Variants in ACTL6A observed in about 807,000 individuals in gnomAD.
ACTL6A encodes the protein actin like 6A, also known as actin-like protein 6A.
A neutral mutation model predicts 59.2 loss-of-function variants in ACTL6A; 5 were observed. The observed-to-expected ratio is 0.08, with a 90% confidence interval of 0.04 to 0.18. The LOEUF (loss-of-function observed/expected upper bound fraction) is 0.18. Ranked by LOEUF, ACTL6A falls within the 10% of genes least tolerant of loss-of-function variation. The probability of loss-of-function intolerance (pLI) is 1.00; values close to 1 mark genes in which losing one functional copy is unlikely to be tolerated. For synonymous variants in ACTL6A, 154 were observed against 171.8 expected, an observed-to-expected ratio of 0.90 and a Z score of 0.81; for missense variants, 285 against 526.9, an observed-to-expected ratio of 0.54 and a Z score of 4.49.
intron 4 of ACTL6A, among the ~76,000 whole-genome samples, chr3:179,573,950 T>C (rs918961277): frequency 1.3e-5 from 2 of 152,228 alleles, no homozygotes; most frequent in Non-Finnish European, 2.9e-5. Flanking sequence ...TCATAAATTA[T>C]CAGTATCTTA....
chr3:179,587,854 C>CAAA, intron 13 of ACTL6A, 76 bp from the exon 14 acceptor site: 1 of 1,046,154 alleles, frequency 9.6e-7, no homozygotes. Context: ...GACCTTCTCT[C>CAAA]AAAAAAAAAA....
intron 11 of ACTL6A, 98 bp downstream of exon 11, chr3:179,581,318 G>A: frequency 1.0e-6 from 1 of 993,144 alleles, no homozygotes; most frequent in East Asian, 2.4e-5. Context: ...ATGGTTGTCA[G>A]TGTCATTGAC....
At chr3:179,583,317 T>A in intron 11 of ACTL6A, 36 bp from the exon 12 acceptor site, 2 of 1,508,342 alleles carry the variant, frequency 1.3e-6, no homozygotes, top group Non-Finnish European at 1.8e-6. Context: ...TGGAAACATA[T>A]GGAACTAATT....
chr3:179,581,369 G>A (rs910745270), intron 11 of ACTL6A, 149 bp downstream of exon 11: 13 of 669,334 alleles, frequency 1.9e-5, no homozygotes, highest in Non-Finnish European at 3.1e-5. Flanking sequence ...AAAAGATGAA[G>A]TACTAGAAAA....
At chr3:179,583,195 A>C (rs1395098987) in intron 11 of ACTL6A, 158 bp from the exon 12 acceptor site, 16 of 487,642 alleles carry the variant, frequency 3.3e-5, no homozygotes, top group Non-Finnish European at 5.8e-5. Flanking sequence ...GCCAGGATGG[A>C]GAATTGATGG....
intron 12 of ACTL6A, among the ~76,000 whole-genome samples, chr3:179,585,680 A>C (rs1576860251): frequency 6.6e-6 from 1 of 152,130 alleles, no homozygotes. Flanking sequence ...GAAAAGCCCC[A>C]AAAATATGTT....
At chr3:179,585,781 A>G (rs1314006632) in intron 12 of ACTL6A, among the ~76,000 whole-genome samples, 1 of 150,694 alleles carries the variant, frequency 6.6e-6, no homozygotes, top group Non-Finnish European at 1.5e-5. Context: ...ACCTCTTCAT[A>G]TAGGAAGTGA....
At chr3:179,587,882 C>G (rs756967761) in intron 13 of ACTL6A, 48 bp from the exon 14 acceptor site, 1 of 1,520,098 alleles carries the variant, frequency 6.6e-7, no homozygotes, top group Non-Finnish European at 8.9e-7. Context: ...TAAGCCATTT[C>G]TAGTAAGAAG....
At chr3:179,576,377 TA>T (rs1718166024) in intron 6 of ACTL6A, 66 bp downstream of exon 6, 1 of 1,228,880 alleles carries the variant, frequency 8.1e-7, no homozygotes. Flanking sequence ...CATAATGAAA[TA>T]AAATGATGAG....
At chr3:179,565,800 G>A (rs1717817799) in intron 1 of ACTL6A, among the ~76,000 whole-genome samples, 1 of 152,054 alleles carries the variant, frequency 6.6e-6, no homozygotes, top group Non-Finnish European at 1.5e-5. Context: ...GAGAAACCAC[G>A]GAATGATTCA....
At chr3:179,574,518 T>G (rs1718108015) in intron 5 of ACTL6A, 51 bp downstream of exon 5, 1 of 1,250,678 alleles carries the variant, frequency 8.0e-7, no homozygotes. Flanking sequence ...ACGATACTAA[T>G]GAATATGATA....
chr3:179,586,652 T>C lies in ACTL6A; in HGVS notation c.1209+20T>C, dbSNP rs9837875. ...TCTTTGGTTAGTAGATGAGCTACTT[T>C]GCAAAAATATTCTTACTGAATTATA... On this transcript the variant is annotated intron_variant, in intron 13 of 13. Coordinates refer to ENST00000429709, the MANE Select transcript of ACTL6A (RefSeq NM_004301.5). The C allele has an allele frequency of 1.1e-3, 1,640 of 1,561,694 alleles. 13 individuals carry two copies. The African/African-American group carries it at 0.019, about 18-fold the overall frequency.
rs963629047 is a variant in ACTL6A, at chr3:179,569,986, A to G, written c.103-81A>G. The G allele has an allele frequency of 3.9e-5, 62 of 1,575,382 alleles. No individual in the cohort carries two copies. The Admixed American group carries it at 4.4e-4, about 11-fold the overall frequency. Reference sequence around the variant, plus strand: ...CAGAAATTCTGATTCAAAACAAAATATAATAAAATACATTAATTGGGGAAA... The same window carrying G: ...CAGAAATTCTGATTCAAAACAAAATGTAATAAAATACATTAATTGGGGAAA... On this transcript the variant is annotated intron_variant, in intron 2 of 13. Transcript: ENST00000429709.
chr3:179,583,238 A>T (rs747266879), intron 11 of ACTL6A, 115 bp from the exon 12 acceptor site: 27 of 776,684 alleles, frequency 3.5e-5, no homozygotes, highest in Non-Finnish European at 5.7e-5. Flanking sequence ...ATAGTAAAAC[A>T]TTTCCAAAAA....
intron 5 of ACTL6A, among the ~76,000 whole-genome samples, chr3:179,575,759 T>C (rs1718149029): frequency 6.6e-6 from 1 of 152,218 alleles, no homozygotes; most frequent in South Asian, 2.1e-4. Context: ...GGAACTGCCA[T>C]ATGGCTGCCA....
intron 1 of ACTL6A, among the ~76,000 whole-genome samples, chr3:179,565,171 G>A (rs1466888548): frequency 6.6e-6 from 1 of 152,010 alleles, no homozygotes; most frequent in African/African-American, 2.4e-5. Context: ...GAAGGGGCCG[G>A]GTGCGGTGTA....
intron 8 of ACTL6A, among the ~76,000 whole-genome samples, chr3:179,579,453 T>TACACACACACACACAC (rs1477872220): frequency 1.1e-4 from 6 of 55,228 alleles, no homozygotes; most frequent in East Asian, 1.6e-3. Flanking sequence ...ATTTATATCA[T>TACACACACACACACAC]ATACACACAC....
intron 1 of ACTL6A, among the ~76,000 whole-genome samples, chr3:179,568,983 C>A (rs189936848): frequency 6.6e-6 from 1 of 152,298 alleles, no homozygotes; most frequent in East Asian, 1.9e-4. Context: ...CTCCTTGCAA[C>A]CTGTATGAGA....
At chr3:179,587,766 G>A (rs1238166276) in intron 13 of ACTL6A, among the ~76,000 whole-genome samples, 164 bp from the exon 14 acceptor site, 1 of 151,924 alleles carries the variant, frequency 6.6e-6, no homozygotes, top group Non-Finnish European at 1.5e-5. Flanking sequence ...GCTGAGGTGG[G>A]AGCATCCCTT....
Sources: allele counts gnomAD v4.1 joint callset (sites outside exome capture counted in the v4.1 genomes callset), GRCh38; gene constraint gnomAD v4.1.1; transcripts MANE v1.5; gene names NCBI Gene and HGNC (gene_info 2026-07-23, HGNC 2026-07-21).